The following DYRK1A variants were observed in gnomAD, a reference collection of about 807,000 sequenced individuals.
DYRK1A encodes the protein dual specificity tyrosine phosphorylation regulated kinase 1A.
In DYRK1A, 9 loss-of-function variants were observed where a neutral mutation model predicts 79.7. The ratio of observed to expected loss-of-function variants is 0.11; its 90% CI spans 0.07 to 0.20. DYRK1A has a LOEUF of 0.20. Among genes scored for constraint, DYRK1A ranks in the 10% least tolerant of loss-of-function variants. DYRK1A has a pLI of 1.00. For synonymous variants in DYRK1A, 349 were observed against 329.7 expected (o/e 1.06, Z -0.63); for missense variants, 622 against 956.0 (o/e 0.65, Z 4.61).
At chr21:37,369,625 TAA>T (rs1292325566) in intron 1 of DYRK1A, among the ~76,000 whole-genome samples, 2 of 152,252 alleles carry the variant, frequency 1.3e-5, no homozygotes, top group Non-Finnish European at 2.9e-5. Context: ...TCGAGAGGCA[TAA>T]GCTCAGAGAT....
intron 1 of DYRK1A, among the ~76,000 whole-genome samples, chr21:37,391,958 T>C (rs548698045): frequency 7.2e-4 from 110 of 152,366 alleles, no homozygotes; most frequent in Non-Finnish European, 1.1e-3. Context: ...CCACCCAAGC[T>C]TGTTTGTTGC....
chr21:37,476,824 C>CT (rs752897640), intron 3 of DYRK1A, among the ~76,000 whole-genome samples: 2 of 145,836 alleles, frequency 1.4e-5, no homozygotes, highest in South Asian at 2.3e-4. Flanking sequence ...GGGTTCCCCC[C>CT]CCCCCCAACC....
intron 1 of DYRK1A, among the ~76,000 whole-genome samples, chr21:37,417,027 A>G (rs1267384217): frequency 6.6e-6 from 1 of 152,122 alleles, no homozygotes; most frequent in African/African-American, 2.4e-5. Context: ...TTGAAATTAG[A>G]TATAATTTTT....
chr21:37,506,197 A>G lies in DYRK1A; in HGVS notation c.1618A>G (p.Met540Val), dbSNP rs1313971457. Residue 540 changes from methionine (M) to valine (V), a missense_variant, in exon 11 of 12, where the codon ATG (methionine) becomes GTG (valine). Coordinates refer to ENST00000647188, the MANE Select transcript of DYRK1A (RefSeq NM_001347721.2). ...GCACTTCACAGCTGCCGTGCAGGCC[A>G]TGGACTGCGAGACACACAGTCCCCA... The part of the protein sequence containing the change: ...GGHFTAAVQA[M>V]DCETHSPQVR... 2 of 1,614,174 alleles carry G rather than the reference A, an allele frequency of 1.2e-6. No homozygotes were observed. Among genetic ancestry groups the G allele is most frequent in the South Asian group, 1.1e-5 (1 of 91,070 alleles).
chr21:37,418,267 G>GAAAATTATGTAAC (rs2050396545), intron 1 of DYRK1A, among the ~76,000 whole-genome samples: 2 of 152,158 alleles, frequency 1.3e-5, no homozygotes. Context: ...TGCTGTATAA[G>GAAAATTATGTAAC]TCAGCAGAAA....
At chr21:37,466,371 A>T (rs1260301706) in intron 2 of DYRK1A, among the ~76,000 whole-genome samples, 1 of 152,216 alleles carries the variant, frequency 6.6e-6, no homozygotes, top group African/African-American at 2.4e-5. Flanking sequence ...GTAATATATA[A>T]GGTAACTAAA....
chr21:37,430,227 C>T, intron 2 of DYRK1A: 1 of 909,908 alleles, frequency 1.1e-6, no homozygotes, highest in Non-Finnish European at 1.3e-6. Context: ...TTCACTTACA[C>T]ATCTTTCTTT....
chr21:37,426,586 C>T (rs560466200), intron 2 of DYRK1A, among the ~76,000 whole-genome samples: 1 of 151,894 alleles, frequency 6.6e-6, no homozygotes, highest in African/African-American at 2.4e-5. Context: ...GAGTGAAAAA[C>T]ACAATATAAA....
chr21:37,515,324 C>T lies in DYRK1A; in HGVS notation c.*2793C>T, dbSNP rs950929369. 6.6e-6 allele frequency: 1 copy of T among 152,624 alleles called. No homozygotes were observed. The highest frequency in any genetic ancestry group is 1.5e-5 in the Non-Finnish European group (1 of 68,034). The allele number at this position is 152,624 out of a possible 1,614,324, so 9.5% of individuals were successfully genotyped here. A position where few individuals can be genotyped will look rare whatever the true frequency, so the allele number is the denominator to read the frequency against. On this transcript the variant is annotated 3_prime_UTR_variant, in exon 12 of 12. Transcript: ENST00000647188. ...TGTAAAAAGGAAACTATTTGAGATA[C>T]ATTGACATAGGCATCAGCAATCTCT...
At chr21:37,370,289 C>CT (rs777551450) in intron 1 of DYRK1A, among the ~76,000 whole-genome samples, 2,520 of 140,324 alleles carry the variant, frequency 0.018, 39 homozygotes, top group Non-Finnish European at 0.024. Context: ...ACTTGAAAAC[C>CT]TTTTTTTTTT....
chr21:37,457,045 T>G (rs28484709), intron 2 of DYRK1A, among the ~76,000 whole-genome samples: 1,560 of 55,174 alleles, frequency 0.028, 10 homozygotes, highest in Non-Finnish European at 0.042. Context: ...TACTTATTTA[T>G]TTATTTATTT....
intron 2 of DYRK1A, among the ~76,000 whole-genome samples, chr21:37,460,210 G>A (rs1396493640): frequency 6.6e-6 from 1 of 151,776 alleles, no homozygotes; most frequent in Non-Finnish European, 1.5e-5. Context: ...TCGGCAGATT[G>A]TATGTTTTAT....
chr21:37,423,162 G>A (rs2050523393), intron 2 of DYRK1A, among the ~76,000 whole-genome samples: 1 of 152,146 alleles, frequency 6.6e-6, no homozygotes, highest in Non-Finnish European at 1.5e-5. Context: ...GGCATGCAGA[G>A]AGAAAGTAGA....
intron 2 of DYRK1A, among the ~76,000 whole-genome samples, chr21:37,450,259 G>A (rs1361532240): frequency 6.6e-6 from 1 of 152,152 alleles, no homozygotes; most frequent in African/African-American, 2.4e-5. Flanking sequence ...TGGTGGCATG[G>A]CTTTTTTGCC....
intron 2 of DYRK1A, among the ~76,000 whole-genome samples, chr21:37,431,145 T>C (rs1176528493): frequency 2.0e-5 from 3 of 152,216 alleles, no homozygotes; most frequent in African/African-American, 7.2e-5. Flanking sequence ...TAGAGGAATA[T>C]AGAGGATAAG....
chr21:37,481,189 A>C (rs2052627886), intron 5 of DYRK1A: 1 of 157,498 alleles, frequency 6.3e-6, no homozygotes, highest in Non-Finnish European at 1.4e-5. Flanking sequence ...ACCACTTCAA[A>C]GAGAAAAGAA....
chr21:37,514,563 G>T lies in DYRK1A; in HGVS notation c.*2032G>T, dbSNP rs1402441091. 6.6e-6 allele frequency: 1 copy of T among 152,488 alleles called. No homozygotes were observed. Among genetic ancestry groups the T allele is most frequent in the Non-Finnish European group, 1.5e-5 (1 of 67,962 alleles). The allele number at this position is 152,488 out of a possible 1,614,324, so 9.4% of individuals were successfully genotyped here. A position where few individuals can be genotyped will look rare whatever the true frequency, so the allele number is the denominator to read the frequency against. On this transcript the variant is annotated 3_prime_UTR_variant, in exon 12 of 12. Coordinates refer to ENST00000647188, the MANE Select transcript of DYRK1A (RefSeq NM_001347721.2). The stretch of plus-strand genomic sequence containing the variant: ...AAAAGCAGGTTTTTATATGTAAACA[G>T]TGAGAAAAGAAAGGCTAAACACTAT...
rs1226853918 is a variant in DYRK1A, at chr21:37,515,869, T to TA, written c.*3344dup. ...CGACATTTTTATTTAAAACTACATG[T>TA]AAAAAATCATGAAAGATTCAGTAAT... On this transcript the variant is annotated 3_prime_UTR_variant, in exon 12 of 12. Coordinates refer to ENST00000647188, the MANE Select transcript of DYRK1A (RefSeq NM_001347721.2). The TA allele has an allele frequency of 5.3e-5, 8 of 152,080 alleles. No homozygotes were observed. The highest frequency in any genetic ancestry group is 7.4e-5 in the Non-Finnish European group (5 of 68,010). 9.4% of individuals were successfully genotyped at this position (152,080 alleles called of 1,614,324 possible). A position where few individuals can be genotyped will look rare whatever the true frequency, so the allele number is the denominator to read the frequency against.
chr21:37,412,225 C>G (rs1211353777), intron 1 of DYRK1A, among the ~76,000 whole-genome samples: 2 of 152,064 alleles, frequency 1.3e-5, no homozygotes, highest in Non-Finnish European at 2.9e-5. Flanking sequence ...CTTAAATGCA[C>G]TTTATGGAAT....
Sources: allele counts gnomAD v4.1 joint callset (sites outside exome capture counted in the v4.1 genomes callset), GRCh38; gene constraint gnomAD v4.1.1; transcripts MANE v1.5; gene names NCBI Gene and HGNC (gene_info 2026-07-23, HGNC 2026-07-21).